The following SGPP2 variants were observed in gnomAD, a reference collection of about 807,000 sequenced individuals.
The protein encoded by SGPP2 is sphingosine 1-phosphate phosphohydrolase 2.
In SGPP2, 30 loss-of-function variants were observed where a neutral mutation model predicts 33.9. The observed-to-expected ratio is 0.89, with a 90% confidence interval of 0.66 to 1.20. The LOEUF (loss-of-function observed/expected upper bound fraction) is 1.20, where lower values mean the gene tolerates loss of function less well. SGPP2 is among the 50% of genes most tolerant of loss of function. The pLI, the probability that SGPP2 is intolerant of heterozygous loss-of-function variation, is 0.00. For synonymous variants in SGPP2, 233 were observed against 225.0 expected, an observed-to-expected ratio of 1.04 and a Z score of -0.32; for missense variants, 458 against 532.1, an observed-to-expected ratio of 0.86 and a Z score of 1.37.
chr2:222,426,295 T>C (rs1697071106), intron 1 of SGPP2, among the ~76,000 whole-genome samples: 1 of 145,582 alleles, frequency 6.9e-6, no homozygotes, highest in Non-Finnish European at 1.5e-5. Flanking sequence ...TGCCGTGACA[T>C]ATTCGGTGCA....
chr2:222,511,315 C>A (rs1249410307), intron 2 of SGPP2, among the ~76,000 whole-genome samples: 1 of 152,158 alleles, frequency 6.6e-6, no homozygotes, highest in Non-Finnish European at 1.5e-5. Flanking sequence ...TTCTTTCTAT[C>A]TATATATTAC....
In SGPP2 at chr2:222,435,636, A is replaced by G. The variant is rs574108584; in HGVS notation, c.219+10815A>G. Among the ~76,000 whole-genome samples the G allele has an allele frequency of 5.3e-5, 8 of 152,374 alleles. 1 individual carries two copies. In the South Asian group the frequency reaches 1.7e-3, roughly 32 times the overall value. On this transcript the variant is annotated intron_variant, in intron 1 of 4. Coordinates refer to ENST00000321276, the MANE Select transcript of SGPP2 (RefSeq NM_152386.4). ...CACGCCCCAACGCAAGTACTATTAC[A>G]TAAAGTTAACAATACTTAAATGCTG... is the stretch of plus-strand genomic sequence containing the variant.
At chr2:222,530,021 G>A (rs1274477872) in intron 4 of SGPP2, among the ~76,000 whole-genome samples, 1 of 152,214 alleles carries the variant, frequency 6.6e-6, no homozygotes, top group Non-Finnish European at 1.5e-5. Flanking sequence ...CATCTTAGGT[G>A]ACCAGGTGTA....
chr2:222,430,621 C>A (rs896603267), intron 1 of SGPP2, among the ~76,000 whole-genome samples: 1 of 152,042 alleles, frequency 6.6e-6, no homozygotes, highest in Non-Finnish European at 1.5e-5. Flanking sequence ...AGCCAGCCTC[C>A]CTATTTCTTA....
intron 2 of SGPP2, among the ~76,000 whole-genome samples, chr2:222,513,294 T>C (rs565623544): frequency 1.3e-5 from 2 of 152,352 alleles, no homozygotes; most frequent in East Asian, 1.9e-4. Flanking sequence ...CCAGACCCAG[T>C]ACTTCTTTTT....
chr2:222,519,925 C>G lies in SGPP2; in HGVS notation c.379-1842C>G, dbSNP rs146383475. Reference sequence around the variant, plus strand: ...TTATCCAGTCCACTATTGATGGGCACCTAGGTGGATTCCATGTCTTTGCTA... The same window carrying G: ...TTATCCAGTCCACTATTGATGGGCAGCTAGGTGGATTCCATGTCTTTGCTA... On this transcript the variant is annotated intron_variant, in intron 2 of 4. Coordinates refer to ENST00000321276, the MANE Select transcript of SGPP2 (RefSeq NM_152386.4). Among the ~76,000 whole-genome samples, 1,040 of 152,248 alleles carry G rather than the reference C, an allele frequency of 6.8e-3. 18 individuals carry two copies. Among genetic ancestry groups the G allele is most frequent in the African/African-American group, 0.024 (990 of 41,546 alleles).
chr2:222,533,756 T>A (rs941397841), intron 4 of SGPP2, among the ~76,000 whole-genome samples: 5 of 151,726 alleles, frequency 3.3e-5, no homozygotes, highest in African/African-American at 1.2e-4. Context: ...CGGTCTGCCA[T>A]CCTCCCTGAG....
rs75428130 is a variant in SGPP2, at chr2:222,488,148, G to C, written c.378+13422G>C. 9.1e-4 allele frequency among the ~76,000 whole-genome samples: 139 copies of C among 152,254 alleles called. 2 individuals are homozygous for C. The East Asian group carries it at 0.025, about 27-fold the overall frequency. On this transcript the variant is annotated intron_variant, in intron 2 of 4. Transcript: ENST00000321276. ...TTGGTGACCCCCACATAACTGACTG[G>C]GTTGGTTTCTACCAATTTTCCTGTG... is the stretch of plus-strand genomic sequence containing the variant.
At position 222,454,836 on chromosome 2, in the gene SGPP2, G is replaced by A. The variant is rs75822919; in HGVS notation, c.220-19732G>A. Among the ~76,000 whole-genome samples, 1,304 of 152,056 alleles carry A rather than the reference G, an allele frequency of 8.6e-3. 6 individuals are homozygous for A. The highest frequency in any genetic ancestry group is 0.014 in the Non-Finnish European group (950 of 67,998). ...TATGTGTATTTTTCAAAGCTCCTTG[G>A]GTGTCATTAAGAACCCGTAGATGGC... is the stretch of plus-strand genomic sequence containing the variant. On this transcript the variant is annotated intron_variant, in intron 1 of 4. Coordinates refer to ENST00000321276, the MANE Select transcript of SGPP2 (RefSeq NM_152386.4).
intron 2 of SGPP2, among the ~76,000 whole-genome samples, chr2:222,497,250 C>CTTTTTTTTTT (rs57363978): frequency 8.4e-6 from 1 of 118,554 alleles, no homozygotes; most frequent in Non-Finnish European, 1.7e-5. Context: ...TCTCTTTCTT[C>CTTTTTTTTTT]TTTTTTTTTT....
rs1362231265 is a variant in SGPP2 at position 222,461,820 on chromosome 2, C to T, written c.220-12748C>T. 4.6e-5 allele frequency among the ~76,000 whole-genome samples: 7 copies of T among 152,122 alleles called. No homozygotes were observed. In the East Asian group the frequency reaches 1.4e-3, roughly 29 times the overall value. ...CTGCTGGTTCCTAATGGAACCAGTC[C>T]ATGGCCCAGGGGTTGGGGACCTGCT... On this transcript the variant is annotated intron_variant, in intron 1 of 4. Coordinates refer to ENST00000321276, the MANE Select transcript of SGPP2 (RefSeq NM_152386.4).
intron 1 of SGPP2, among the ~76,000 whole-genome samples, chr2:222,449,388 A>G (rs1697448069): frequency 6.6e-6 from 1 of 152,240 alleles, no homozygotes; most frequent in Non-Finnish European, 1.5e-5. Flanking sequence ...GTGAAAAACA[A>G]AAATGGTCAG....
At chr2:222,437,171 A>G (rs1177533567) in intron 1 of SGPP2, among the ~76,000 whole-genome samples, 2 of 152,180 alleles carry the variant, frequency 1.3e-5, no homozygotes, top group African/African-American at 4.8e-5. Flanking sequence ...AGTTCCATCC[A>G]CATACCTCTT....
intron 2 of SGPP2, among the ~76,000 whole-genome samples, chr2:222,494,527 C>G (rs1259700857): frequency 6.6e-6 from 1 of 152,228 alleles, no homozygotes; most frequent in Non-Finnish European, 1.5e-5. Context: ...CACGGCTGCC[C>G]AACTTGCACT....
intron 1 of SGPP2, among the ~76,000 whole-genome samples, chr2:222,471,381 G>A (rs56319140): frequency 8.5e-5 from 13 of 152,056 alleles, no homozygotes; most frequent in Non-Finnish European, 1.6e-4. Context: ...ATAGCCAATA[G>A]TGTCAAGTAC....
intron 1 of SGPP2, among the ~76,000 whole-genome samples, chr2:222,435,890 GGTCGTGGTTT>G: frequency 1.3e-5 from 2 of 152,202 alleles, no homozygotes; most frequent in Non-Finnish European, 2.9e-5. Context: ...CACTTCAGCA[GGTCGTGGTTT>G]TTTTCCTCGT....
At chr2:222,433,143 A>T (rs957272059) in intron 1 of SGPP2, among the ~76,000 whole-genome samples, 6 of 152,176 alleles carry the variant, frequency 3.9e-5, no homozygotes, top group Non-Finnish European at 5.9e-5. Context: ...AGCAGAAAAA[A>T]AATTTCTGAA....
chr2:222,505,502 C>CA (rs1491332524), intron 2 of SGPP2, among the ~76,000 whole-genome samples: 1 of 151,892 alleles, frequency 6.6e-6, no homozygotes, highest in Non-Finnish European at 1.5e-5. Flanking sequence ...TGGAAAAACT[C>CA]ACAGATGAAA....
chr2:222,519,266 TAG>T (rs34243160), intron 2 of SGPP2, among the ~76,000 whole-genome samples: 1,841 of 152,310 alleles, frequency 0.012, 25 homozygotes, highest in African/African-American at 0.042. Context: ...CTTGTGAAAA[TAG>T]AGATTCTAAT....
Sources: gnomAD v4.1 joint callset for allele counts (sites outside exome capture counted in the v4.1 genomes callset) on GRCh38, gnomAD v4.1.1 for gene constraint, MANE v1.5 for transcripts, NCBI Gene and HGNC (gene_info 2026-07-23, HGNC 2026-07-21) for gene names.